The following TSPAN9 variants were observed in gnomAD, a reference collection of about 807,000 sequenced individuals.
The protein encoded by TSPAN9 is tetraspanin 9.
TSPAN9 carries 16 observed loss-of-function variants against 31.0 expected under a neutral mutation model. That is an observed-to-expected ratio of 0.52 (90% confidence interval 0.35 to 0.78). TSPAN9 has a LOEUF of 0.78. Among genes scored for constraint, TSPAN9 ranks in the 30% least tolerant of loss-of-function variants. TSPAN9 has a pLI of 0.01. For synonymous variants in TSPAN9, 145 were observed against 121.6 expected (o/e 1.19, Z -1.27); for missense variants, 272 against 312.5 (o/e 0.87, Z 0.98).
intron 2 of TSPAN9, among the ~76,000 whole-genome samples, chr12:3,157,669 T>C (rs1041392425): frequency 3.9e-5 from 6 of 152,218 alleles, no homozygotes; most frequent in South Asian, 2.1e-4. Flanking sequence ...AGGTCATCTG[T>C]CCTGCTGGAG....
At chr12:3,122,548 C>A (rs1186522346) in intron 2 of TSPAN9, among the ~76,000 whole-genome samples, 2 of 151,896 alleles carry the variant, frequency 1.3e-5, no homozygotes, top group African/African-American at 4.8e-5. Flanking sequence ...TGTGAGATAC[C>A]ACACCTGGCC....
At chr12:3,121,752 C>G (rs2153966273) in intron 2 of TSPAN9, among the ~76,000 whole-genome samples, 1 of 152,224 alleles carries the variant, frequency 6.6e-6, no homozygotes, top group East Asian at 1.9e-4. Context: ...TTGGCTGGAT[C>G]TGGCTCTCAG....
intron 2 of TSPAN9, among the ~76,000 whole-genome samples, chr12:3,185,242 A>C (rs951274655): frequency 6.6e-6 from 1 of 152,146 alleles, no homozygotes; most frequent in Non-Finnish European, 1.5e-5. Context: ...CTCGGCGGAT[A>C]AGCTATCTCA....
At chr12:3,121,665 A>G in intron 2 of TSPAN9, among the ~76,000 whole-genome samples, 1 of 148,670 alleles carries the variant, frequency 6.7e-6, no homozygotes, top group East Asian at 2.0e-4. Context: ...GATATGAGCC[A>G]CTGCACCTGG....
intron 3 of TSPAN9, among the ~76,000 whole-genome samples, chr12:3,263,345 G>A (rs977875334): frequency 1.3e-5 from 2 of 152,340 alleles, no homozygotes; most frequent in Middle Eastern, 3.4e-3. Flanking sequence ...TCAGTGAGCC[G>A]TGTTGTTTGG....
At chr12:3,094,190 C>T (rs1184578582) in intron 2 of TSPAN9, among the ~76,000 whole-genome samples, 1 of 152,186 alleles carries the variant, frequency 6.6e-6, no homozygotes, top group Non-Finnish European at 1.5e-5. Context: ...TAAAATGCCA[C>T]AGCCTCTTGG....
chr12:3,231,095 T>C (rs1037462194), intron 3 of TSPAN9, among the ~76,000 whole-genome samples: 1 of 152,084 alleles, frequency 6.6e-6, no homozygotes, highest in Non-Finnish European at 1.5e-5. Flanking sequence ...TGTGTAAGGA[T>C]TGTGGTTTTT....
At chr12:3,226,382 G>C (rs2098387130) in intron 3 of TSPAN9, among the ~76,000 whole-genome samples, 1 of 152,002 alleles carries the variant, frequency 6.6e-6, no homozygotes, top group African/African-American at 2.4e-5. Flanking sequence ...TGAAAGGTCA[G>C]ATTCACATCC....
At chr12:3,235,126 TGAGCAGAGCTTGCGC>T (rs2098392711) in intron 3 of TSPAN9, among the ~76,000 whole-genome samples, 1 of 72,612 alleles carries the variant, frequency 1.4e-5, no homozygotes, top group Admixed American at 1.8e-4. Flanking sequence ...GAGCTTGCAG[TGAGCAGAGCTTGCGC>T]CACTGCACTC....
At chr12:3,155,734 C>T (rs1265483876) in intron 2 of TSPAN9, among the ~76,000 whole-genome samples, 3 of 152,116 alleles carry the variant, frequency 2.0e-5, no homozygotes, top group Non-Finnish European at 2.9e-5. Flanking sequence ...AGGTGGGTGC[C>T]GAGTAAATTT....
chr12:3,193,955 G>C (rs1042395284), intron 2 of TSPAN9, among the ~76,000 whole-genome samples: 2 of 152,186 alleles, frequency 1.3e-5, no homozygotes. Context: ...TCTGTAGCTG[G>C]GTGTTTCAGC....
At chr12:3,162,710 C>T (rs2098346071) in intron 2 of TSPAN9, among the ~76,000 whole-genome samples, 1 of 152,192 alleles carries the variant, frequency 6.6e-6, no homozygotes, top group Non-Finnish European at 1.5e-5. Flanking sequence ...TTCCCCTCAG[C>T]TCTTTCTCAG....
At chr12:3,234,839 C>T (rs1229080655) in intron 3 of TSPAN9, among the ~76,000 whole-genome samples, 1 of 151,978 alleles carries the variant, frequency 6.6e-6, no homozygotes, top group Non-Finnish European at 1.5e-5. Flanking sequence ...CCAGAGGGTC[C>T]TGAGTTGTCG....
chr12:3,227,994 G>A (rs2098388760), intron 3 of TSPAN9, among the ~76,000 whole-genome samples: 1 of 152,160 alleles, frequency 6.6e-6, no homozygotes, highest in Non-Finnish European at 1.5e-5. Flanking sequence ...AAGAAAGGCA[G>A]CTAAAATTCA....
chr12:3,146,906 T>A (rs2098337522), intron 2 of TSPAN9, among the ~76,000 whole-genome samples: 1 of 152,096 alleles, frequency 6.6e-6, no homozygotes, highest in Non-Finnish European at 1.5e-5. Context: ...TGGGTTTGCA[T>A]TCAGATTGTG....
chr12:3,158,113 C>T (rs897873632), intron 2 of TSPAN9, among the ~76,000 whole-genome samples: 5 of 152,222 alleles, frequency 3.3e-5, no homozygotes, highest in East Asian at 3.9e-4. Context: ...TTGCTTTCCT[C>T]GACCAAGTCT....
chr12:3,279,263 G>T (rs1565644555), intron 5 of TSPAN9, among the ~76,000 whole-genome samples, 197 bp downstream of exon 5: 1 of 152,222 alleles, frequency 6.6e-6, no homozygotes, highest in African/African-American at 2.4e-5. Context: ...GCAGCATGGG[G>T]CAGGCAAATT....
chr12:3,266,688 G>T (rs1244681923), intron 3 of TSPAN9, among the ~76,000 whole-genome samples: 1 of 152,220 alleles, frequency 6.6e-6, no homozygotes, highest in Admixed American at 6.5e-5. Context: ...ACTTAAGTTG[G>T]TGCTGAGACC....
intron 3 of TSPAN9, among the ~76,000 whole-genome samples, chr12:3,214,259 T>C (rs930573264): frequency 6.6e-6 from 1 of 152,252 alleles, no homozygotes. Context: ...ATCTTCCTTA[T>C]CCTCATAGTA....
Sources: gnomAD v4.1 joint callset for allele counts (sites outside exome capture counted in the v4.1 genomes callset) on GRCh38, gnomAD v4.1.1 for gene constraint, MANE v1.5 for transcripts, NCBI Gene and HGNC (gene_info 2026-07-23, HGNC 2026-07-21) for gene names.